The following STX3 variants were observed in gnomAD, a reference collection of about 807,000 sequenced individuals.
STX3 encodes syntaxin 3.
A neutral mutation model predicts 40.2 loss-of-function variants in STX3; 19 were observed. The ratio of observed to expected loss-of-function variants is 0.47; its 90% CI spans 0.33 to 0.69. The LOEUF is 0.69. Ranked by LOEUF, STX3 falls within the 30% of genes least tolerant of loss-of-function variation. STX3 has a pLI of 0.02. For synonymous variants in STX3, 122 were observed against 132.2 expected, an observed-to-expected ratio of 0.92 and a Z score of 0.53; for missense variants, 364 against 366.7, an observed-to-expected ratio of 0.99 and a Z score of 0.06.
At chr11:59,796,030 T>G (rs769861941) in intron 9 of STX3, among the ~76,000 whole-genome samples, 1 of 152,222 alleles carries the variant, frequency 6.6e-6, no homozygotes, top group Non-Finnish European at 1.5e-5. Context: ...TACACTTGAC[T>G]CCTCTGTTCA....
At chr11:59,770,067 G>T (rs559077955) in intron 1 of STX3, among the ~76,000 whole-genome samples, 96 of 150,638 alleles carry the variant, frequency 6.4e-4, no homozygotes, top group Admixed American at 1.9e-3. Flanking sequence ...GTGGGCATAT[G>T]TGTAGAGTGG....
chr11:59,757,380 C>T (rs919924711), intron 1 of STX3, among the ~76,000 whole-genome samples: 2 of 152,174 alleles, frequency 1.3e-5, no homozygotes, highest in Non-Finnish European at 2.9e-5. Context: ...ATTAGGAAAT[C>T]CACTTCCAGA....
In STX3 at chr11:59,787,101, A is replaced by G; in HGVS notation, c.179A>G (p.Tyr60Cys). 6.2e-7 allele frequency: 1 copy of G among 1,614,182 alleles called. No individual in the cohort carries two copies. The highest frequency in any genetic ancestry group is 8.5e-7 in the Non-Finnish European group (1 of 1,180,020). ...SEHVEEAKKLYSIILSAPIPE... is the reference protein window; with the variant it reads ...SEHVEEAKKLCSIILSAPIPE... ...CATGTAGAGGAGGCTAAGAAACTCT[A>G]CAGTATCATTCTCTCTGCACCGATT... is the stretch of plus-strand genomic sequence containing the variant. The change falls in exon 3 of 11, where the codon TAC (tyrosine) becomes TGC (cysteine). Residue 60 changes from tyrosine to cysteine, a missense_variant. By Grantham distance (194) the Tyr-to-Cys change is radical. Transcript: ENST00000337979.
intron 2 of STX3, among the ~76,000 whole-genome samples, chr11:59,784,256 C>G (rs560446773): frequency 2.6e-5 from 4 of 152,250 alleles, no homozygotes; most frequent in African/African-American, 9.6e-5. Flanking sequence ...CATGCAAAAT[C>G]TAAGTCCTTC....
At chr11:59,783,346 A>C (rs2134977678) in intron 2 of STX3, among the ~76,000 whole-genome samples, 1 of 152,332 alleles carries the variant, frequency 6.6e-6, no homozygotes, top group East Asian at 1.9e-4. Context: ...AGTATTCCTG[A>C]GTTCAAACCT....
chr11:59,804,107 G>A lies in STX3; in HGVS notation c.*3283G>A, dbSNP rs978354417. ...TGCAGGGTAGAGAAGCAAGCAGAGTGGGCGCCTCTTTAGGAAGTGACACAG... is the reference window on the plus strand; with the variant it reads ...TGCAGGGTAGAGAAGCAAGCAGAGTAGGCGCCTCTTTAGGAAGTGACACAG... On this transcript the variant is annotated 3_prime_UTR_variant, in exon 11 of 11. Transcript: ENST00000337979. 6.6e-6 allele frequency: 1 copy of A among 151,886 alleles called. No homozygotes were observed. Among genetic ancestry groups the A allele is most frequent in the East Asian group, 1.9e-4 (1 of 5,192 alleles). 9.4% of individuals were successfully genotyped at this position (151,886 alleles called of 1,614,324 possible).
chr11:59,805,202 A>T lies in STX3; in HGVS notation c.*4378A>T, dbSNP rs1404000541. The T allele has an allele frequency of 6.6e-6, 1 of 150,644 alleles. No individual in the cohort carries two copies. Among genetic ancestry groups the T allele is most frequent in the Non-Finnish European group, 1.5e-5 (1 of 68,018 alleles). The allele number at this position is 150,644 out of a possible 1,614,324, so 9.3% of individuals were successfully genotyped here. A position where few individuals can be genotyped will look rare whatever the true frequency, so the allele number is the denominator to read the frequency against. On this transcript the variant is annotated 3_prime_UTR_variant, in exon 11 of 11. Coordinates refer to ENST00000337979, the MANE Select transcript of STX3 (RefSeq NM_004177.5). ...AAAAAAAAAAAAAAAACAAAAAAAA[A>T]AAACTGTTCTTAATACTTAATACTG...
At chr11:59,772,286 G>C (rs1268919735) in intron 1 of STX3, among the ~76,000 whole-genome samples, 1 of 152,226 alleles carries the variant, frequency 6.6e-6, no homozygotes, top group Non-Finnish European at 1.5e-5. Context: ...GCAGCTGTCT[G>C]GGAAGAACAT....
chr11:59,798,816 AATCACGT>A (rs1259945082), intron 10 of STX3, among the ~76,000 whole-genome samples: 1 of 151,178 alleles, frequency 6.6e-6, no homozygotes, highest in Non-Finnish European at 1.5e-5. Context: ...ACCCGGCCTG[AATCACGT>A]TTAATAGTAG....
intron 2 of STX3, among the ~76,000 whole-genome samples, chr11:59,785,003 T>C (rs953357310): frequency 5.3e-5 from 8 of 152,228 alleles, no homozygotes; most frequent in African/African-American, 1.9e-4. Context: ...ATGCTGTCCC[T>C]ACCACTAGCT....
chr11:59,804,322 T>A lies in STX3; in HGVS notation c.*3498T>A, dbSNP rs1013356707. ...TCCAGTAGTAGTCTTAAAAGTGAAG[T>A]TTATCTAAGGATAAGCACATGCCTA... On this transcript the variant is annotated 3_prime_UTR_variant, in exon 11 of 11. Transcript: ENST00000337979. 35 of 152,346 alleles carry A rather than the reference T, an allele frequency of 2.3e-4. No homozygotes were observed. Among genetic ancestry groups the A allele is most frequent in the African/African-American group, 8.4e-4 (35 of 41,576 alleles). The allele number at this position is 152,346 out of a possible 1,614,324, so 9.4% of individuals were successfully genotyped here.
In STX3 at chr11:59,801,618, T is replaced by C; in HGVS notation, c.*794T>C. The C allele has an allele frequency of 2.0e-6, 2 of 985,578 alleles. No homozygotes were observed. The highest frequency in any genetic ancestry group is 2.4e-6 in the Non-Finnish European group (2 of 829,948). The allele number at this position is 985,578 out of a possible 1,614,324, so 61.1% of individuals were successfully genotyped here. The stretch of plus-strand genomic sequence containing the variant: ...GTTAGAAAGTGATGCTTTGTGAGAC[T>C]ATTGTCTTGGGGCCAAAAATAATCA... On this transcript the variant is annotated 3_prime_UTR_variant, in exon 11 of 11. Transcript: ENST00000337979.
At chr11:59,780,124 C>T (rs1252561892) in intron 2 of STX3, among the ~76,000 whole-genome samples, 1 of 152,142 alleles carries the variant, frequency 6.6e-6, no homozygotes, top group African/African-American at 2.4e-5. Context: ...TTCCCAGCTT[C>T]CCCTGCCAAT....
rs553195201 is a variant in STX3, at chr11:59,802,050, C to T, written c.*1226C>T. 109 of 985,444 alleles carry T rather than the reference C, an allele frequency of 1.1e-4. 2 individuals are homozygous for T. In the South Asian group the frequency reaches 4.4e-3, roughly 40 times the overall value. The allele number at this position is 985,444 out of a possible 1,614,324, so 61.0% of individuals were successfully genotyped here. ...TATAATTTTTTGACACCCTTTCCCA[C>T]CTGGTGCCTATGCTAGGCTTGTCCT... On this transcript the variant is annotated 3_prime_UTR_variant, in exon 11 of 11. Coordinates refer to ENST00000337979, the MANE Select transcript of STX3 (RefSeq NM_004177.5).
chr11:59,800,384 C>T, intron 10 of STX3: 1 of 985,294 alleles, frequency 1.0e-6, no homozygotes, highest in Non-Finnish European at 1.2e-6. Context: ...CCCAAGACTA[C>T]ATAGCTCATA....
chr11:59,775,262 T>G (rs1590779221), intron 2 of STX3, among the ~76,000 whole-genome samples: 1 of 152,008 alleles, frequency 6.6e-6, no homozygotes, highest in Admixed American at 6.6e-5. Flanking sequence ...TCCATCAGAG[T>G]CATAGTGAGA....
At position 59,800,926 on chromosome 11, in the gene STX3, T is replaced by G. The variant is rs1035852706; in HGVS notation, c.*102T>G. 6.5e-6 allele frequency: 10 copies of G among 1,536,254 alleles called. No homozygotes were observed. In the African/African-American group the frequency reaches 1.4e-4, roughly 21 times the overall value. ...GAGAATGGAGTCTGAATGGCCTTCC[T>G]GAGAGCGAGTGCGACCCGTTCCTTT... On this transcript the variant is annotated 3_prime_UTR_variant, in exon 11 of 11. Coordinates refer to ENST00000337979, the MANE Select transcript of STX3 (RefSeq NM_004177.5).
intron 2 of STX3, among the ~76,000 whole-genome samples, chr11:59,778,453 T>C (rs986239084): frequency 6.6e-6 from 1 of 152,092 alleles, no homozygotes; most frequent in African/African-American, 2.4e-5. Flanking sequence ...AGGGACAGGA[T>C]TGCCAGGATT....
At chr11:59,798,641 T>C (rs1403757327) in intron 10 of STX3, among the ~76,000 whole-genome samples, 3 of 151,902 alleles carry the variant, frequency 2.0e-5, no homozygotes, top group Non-Finnish European at 4.4e-5. Flanking sequence ...TGCCTCAGCC[T>C]CCCGAGTAGC....
Sources: gnomAD v4.1 joint callset for allele counts (sites outside exome capture counted in the v4.1 genomes callset) on GRCh38, gnomAD v4.1.1 for gene constraint, MANE v1.5 for transcripts, NCBI Gene and HGNC (gene_info 2026-07-23, HGNC 2026-07-21) for gene names.